NAALADL2: variants seen among roughly 807,000 people sequenced by gnomAD.
NAALADL2 encodes N-acetylated alpha-linked acidic dipeptidase like 2.
NAALADL2 carries 76 observed loss-of-function variants against 87.2 expected under a neutral mutation model. That is an observed-to-expected ratio of 0.87 (90% confidence interval 0.72 to 1.05). The LOEUF (loss-of-function observed/expected upper bound fraction) is 1.05. Ranked by LOEUF, NAALADL2 falls within the 50% of genes least tolerant of loss-of-function variation. The pLI, the probability that NAALADL2 is intolerant of heterozygous loss-of-function variation, is 0.00. For missense variants in NAALADL2, 1,089 were observed against 945.8 expected (o/e 1.15, Z -1.99); for synonymous variants, 354 against 331.0 (o/e 1.07, Z -0.75).
chr3:175,288,778 T>C (rs1366467572), intron 4 of NAALADL2, among the ~76,000 whole-genome samples: 1 of 152,178 alleles, frequency 6.6e-6, no homozygotes, highest in Non-Finnish European at 1.5e-5. Flanking sequence ...ACTTGCATTA[T>C]TGTGGGATGT....
intron 1 of NAALADL2, among the ~76,000 whole-genome samples, chr3:175,067,003 C>T (rs1484462066): frequency 1.3e-5 from 2 of 152,146 alleles, no homozygotes; most frequent in African/African-American, 4.8e-5. Flanking sequence ...TGCCTAAGCA[C>T]TCAATACTGA....
At chr3:175,220,855 C>T (rs1360156588) in intron 2 of NAALADL2, among the ~76,000 whole-genome samples, 1 of 152,066 alleles carries the variant, frequency 6.6e-6, no homozygotes, top group East Asian at 1.9e-4. Context: ...ACTGCTTTAG[C>T]TGATTCCCGC....
chr3:175,210,055 A>G (rs1252150807), intron 2 of NAALADL2, among the ~76,000 whole-genome samples: 10 of 151,852 alleles, frequency 6.6e-5, no homozygotes, highest in Non-Finnish European at 1.2e-4. Flanking sequence ...AAAAATTGCA[A>G]TACGCATAAC....
At chr3:175,179,365 T>G (rs1360461666) in intron 2 of NAALADL2, among the ~76,000 whole-genome samples, 5 of 151,926 alleles carry the variant, frequency 3.3e-5, no homozygotes, top group East Asian at 1.9e-4. Flanking sequence ...AACTGACCTT[T>G]GTTAGAGACA....
intron 1 of NAALADL2, among the ~76,000 whole-genome samples, chr3:175,064,017 T>C (rs1275560930): frequency 6.6e-6 from 1 of 151,970 alleles, no homozygotes; most frequent in African/African-American, 2.4e-5. Flanking sequence ...CTGTGATGGG[T>C]AAAACAATGT....
chr3:175,778,379 A>T (rs891427848), intron 13 of NAALADL2, among the ~76,000 whole-genome samples: 2 of 152,206 alleles, frequency 1.3e-5, no homozygotes, highest in African/African-American at 4.8e-5. Context: ...ATAGACTCTT[A>T]CAAGGCATGA....
chr3:175,533,054 C>T (rs1474139336), intron 9 of NAALADL2, among the ~76,000 whole-genome samples: 1 of 152,158 alleles, frequency 6.6e-6, no homozygotes, highest in Non-Finnish European at 1.5e-5. Flanking sequence ...CATTTTTAAA[C>T]CGTATTCCAA....
At chr3:174,823,917 G>T (rs1721704305) in intron 3 of NAALADL2, among the ~76,000 whole-genome samples, 1 of 152,032 alleles carries the variant, frequency 6.6e-6, no homozygotes, top group Admixed American at 6.6e-5. Flanking sequence ...CACTATGTTG[G>T]CCAGGAAGGT....
intron 11 of NAALADL2, chr3:175,675,765 G>A (rs1243746870): frequency 6.6e-6 from 1 of 152,106 alleles, no homozygotes; most frequent in Admixed American, 6.6e-5. Context: ...CAGGTCACCT[G>A]TCTCTTCTTA....
At chr3:175,532,115 G>C (rs189027385) in intron 9 of NAALADL2, among the ~76,000 whole-genome samples, 18 of 152,246 alleles carry the variant, frequency 1.2e-4, no homozygotes, top group African/African-American at 4.3e-4. Context: ...TCTGGAACTG[G>C]GGAAATGACC....
intron 10 of NAALADL2, among the ~76,000 whole-genome samples, chr3:175,583,350 A>ACTGT (rs1033626524): frequency 6.6e-6 from 1 of 152,210 alleles, no homozygotes; most frequent in Non-Finnish European, 1.5e-5. Context: ...TAAGTTGGAG[A>ACTGT]CTGTCTGTAT....
At chr3:175,463,519 C>G in intron 7 of NAALADL2, 26 bp downstream of exon 7, 1 of 1,242,382 alleles carries the variant, frequency 8.0e-7, no homozygotes, top group South Asian at 1.4e-5. Flanking sequence ...AATTTATAAT[C>G]TACACTTTAT....
chr3:174,923,920 A>G (rs1034679219), intron 1 of NAALADL2, among the ~76,000 whole-genome samples: 1 of 152,144 alleles, frequency 6.6e-6, no homozygotes, highest in Non-Finnish European at 1.5e-5. Context: ...CAGAGTCATT[A>G]TTAAAAGAAC....
intron 1 of NAALADL2, among the ~76,000 whole-genome samples, chr3:175,000,120 C>T (rs1748032609): frequency 2.6e-5 from 4 of 152,100 alleles, no homozygotes. Context: ...TTCAATTTAA[C>T]ATTCATTTAT....
At chr3:174,939,466 G>A (rs1013209824) in intron 1 of NAALADL2, among the ~76,000 whole-genome samples, 10 of 151,508 alleles carry the variant, frequency 6.6e-5, no homozygotes, top group African/African-American at 2.2e-4. Context: ...TTCTTTTTAC[G>A]TAACATTACC....
intron 2 of NAALADL2, among the ~76,000 whole-genome samples, chr3:174,669,477 G>A (rs1162573289): frequency 1.3e-5 from 2 of 152,144 alleles, no homozygotes; most frequent in Non-Finnish European, 2.9e-5. Context: ...AGTTTTCCCA[G>A]CACCATTTGT....
At chr3:174,774,983 T>C (rs1338987725) in intron 3 of NAALADL2, among the ~76,000 whole-genome samples, 1 of 152,102 alleles carries the variant, frequency 6.6e-6, no homozygotes, top group Non-Finnish European at 1.5e-5. Context: ...GCTTGTACCC[T>C]TGGAAATGAC....
intron 2 of NAALADL2, among the ~76,000 whole-genome samples, chr3:175,138,403 A>G (rs1729449838): frequency 6.6e-6 from 1 of 151,996 alleles, no homozygotes. Context: ...ATTTTTTTTT[A>G]GATTAACATC....
At chr3:175,182,700 G>A (rs1736768714) in intron 2 of NAALADL2, among the ~76,000 whole-genome samples, 1 of 151,092 alleles carries the variant, frequency 6.6e-6, no homozygotes, top group Non-Finnish European at 1.5e-5. Context: ...CCTGCCAAAA[G>A]GGTTTTTTGT....
Sources: gnomAD v4.1 joint callset for allele counts (sites outside exome capture counted in the v4.1 genomes callset) on GRCh38, gnomAD v4.1.1 for gene constraint, MANE v1.5 for transcripts, NCBI Gene and HGNC (gene_info 2026-07-23, HGNC 2026-07-21) for gene names.